Variants in GOLIM4 observed in about 807,000 individuals in gnomAD.
The protein encoded by GOLIM4 is golgi integral membrane protein 4.
Under a neutral mutation model 107.4 loss-of-function variants are expected in GOLIM4, and 71 were observed. The ratio of observed to expected loss-of-function variants is 0.66; its 90% CI spans 0.55 to 0.81. GOLIM4 has a LOEUF of 0.81. Ranked by LOEUF, GOLIM4 falls within the 30% of genes least tolerant of loss-of-function variation. The probability of loss-of-function intolerance (pLI) is 0.00; values close to 1 mark genes in which losing one functional copy is unlikely to be tolerated. For missense variants in GOLIM4, 830 were observed against 826.1 expected, an observed-to-expected ratio of 1.00 and a Z score of -0.06; for synonymous variants, 327 against 294.8, an observed-to-expected ratio of 1.11 and a Z score of -1.12.
At chr3:168,030,482 T>A in intron 9 of GOLIM4, among the ~76,000 whole-genome samples, 1 of 144,212 alleles carries the variant, frequency 6.9e-6, no homozygotes, top group African/African-American at 2.6e-5. Flanking sequence ...TCTAGTAATG[T>A]ATATACCAAT....
At chr3:168,058,473 G>T (rs1720096016) in intron 1 of GOLIM4, among the ~76,000 whole-genome samples, 2 of 152,158 alleles carry the variant, frequency 1.3e-5, no homozygotes, top group Admixed American at 6.5e-5. Context: ...TCTCATGAAA[G>T]GATTCTTCTC....
chr3:168,071,269 C>T (rs1325743555), intron 1 of GOLIM4, among the ~76,000 whole-genome samples: 1 of 152,180 alleles, frequency 6.6e-6, no homozygotes, highest in Non-Finnish European at 1.5e-5. Flanking sequence ...ACTACCTTGT[C>T]ACTTTGGACA....
chr3:168,093,749 C>A (rs1722021081), intron 1 of GOLIM4, among the ~76,000 whole-genome samples: 1 of 152,180 alleles, frequency 6.6e-6, no homozygotes, highest in Admixed American at 6.5e-5. Flanking sequence ...CCAAGCCGAG[C>A]CATATATTTT....
At chr3:168,092,845 AAAC>A (rs1373309536) in intron 1 of GOLIM4, among the ~76,000 whole-genome samples, 2 of 152,240 alleles carry the variant, frequency 1.3e-5, no homozygotes, top group African/African-American at 4.8e-5. Flanking sequence ...AATCCACAAA[AAAC>A]AAAAACAAAC....
Position 168,095,203 on chromosome 3 carries a change from T to G in GOLIM4, c.83A>C (p.Tyr28Ser), listed in dbSNP as rs373406169. 4 of 1,613,472 alleles carry G rather than the reference T, an allele frequency of 2.5e-6. No individual in the cohort carries two copies. The highest frequency in any genetic ancestry group is 3.4e-6 in the Non-Finnish European group (4 of 1,179,938). Residue 28 changes from tyrosine (Y) to serine (S), a missense_variant, in exon 1 of 16, where the codon TAC becomes TCC. Tyr to Ser is a moderately radical substitution (Grantham distance 144). Coordinates refer to ENST00000470487, the MANE Select transcript of GOLIM4 (RefSeq NM_014498.5). ...LLLTVVFGFL[Y>S]GAMLYYELQT... is the part of the protein sequence containing the mutation. ...CAGCTCGTAGTAGAGCATCGCGCCG[T>G]AGAGAAAGCCGAACACGACGGTCAG...
intron 1 of GOLIM4, among the ~76,000 whole-genome samples, chr3:168,080,418 A>T (rs1721295650): frequency 6.6e-6 from 1 of 152,238 alleles, no homozygotes; most frequent in Non-Finnish European, 1.5e-5. Context: ...TAAAATTGAT[A>T]TTTAAATTCA....
At chr3:168,030,672 T>C (rs767344414) in intron 9 of GOLIM4, among the ~76,000 whole-genome samples, 10 of 152,166 alleles carry the variant, frequency 6.6e-5, no homozygotes, top group Non-Finnish European at 1.3e-4. Context: ...AGATATTATC[T>C]CACCCCAGTT....
intron 1 of GOLIM4, among the ~76,000 whole-genome samples, chr3:168,069,174 A>G (rs1720713729): frequency 6.6e-6 from 1 of 152,168 alleles, no homozygotes. Flanking sequence ...TTTTAAGTTT[A>G]TATCATATCA....
chr3:168,092,841 C>T (rs1433432298), intron 1 of GOLIM4, among the ~76,000 whole-genome samples: 3 of 151,910 alleles, frequency 2.0e-5, no homozygotes, highest in African/African-American at 7.3e-5. Flanking sequence ...AGTGAATCCA[C>T]AAAAAACAAA....
At chr3:168,068,855 A>G (rs1851396) in intron 1 of GOLIM4, among the ~76,000 whole-genome samples, 25,788 of 144,126 alleles carry the variant, frequency 0.18, 2,434 homozygotes, top group Middle Eastern at 0.24. Context: ...TTTTTTTTTG[A>G]GACAGAGTTT....
intron 11 of GOLIM4, among the ~76,000 whole-genome samples, chr3:168,028,865 C>A (rs1407212255): frequency 6.6e-6 from 1 of 152,106 alleles, no homozygotes; most frequent in Non-Finnish European, 1.5e-5. Context: ...CTACTATTGA[C>A]TTAATTTGAA....
intron 14 of GOLIM4, among the ~76,000 whole-genome samples, chr3:168,020,516 CTCT>C (rs1371566374): frequency 6.6e-6 from 1 of 152,152 alleles, no homozygotes; most frequent in Non-Finnish European, 1.5e-5. Context: ...ATGCCACAAA[CTCT>C]TCAAGGTGAT....
chr3:168,010,960 G>A, intron 14 of GOLIM4, 137 bp from the exon 15 acceptor site: 1 of 677,706 alleles, frequency 1.5e-6, no homozygotes, highest in South Asian at 1.7e-5. Flanking sequence ...AATAGCAGAA[G>A]CAAAATTAAA....
Position 168,040,843 on chromosome 3 carries a change from C to G in GOLIM4, c.627G>C (p.Glu209Asp). ...VKQQHKNLLSEHEQLVVTLED... is the reference protein window; with the variant it reads ...VKQQHKNLLSDHEQLVVTLED... ...CCAAAGTCACTACAAGTTGTTCATG[C>G]TCGGAGAGTAAATTCTTATGCTGTT... The change falls in exon 7 of 16, where the codon GAG (glutamate) becomes GAC (aspartate). Residue 209 changes from glutamate (E) to aspartate (D), a missense_variant. Transcript: ENST00000470487. 1 of 1,612,628 alleles carries G rather than the reference C, an allele frequency of 6.2e-7. No homozygotes were observed. Among genetic ancestry groups the G allele is most frequent in the Admixed American group, 1.7e-5 (1 of 59,994 alleles).
chr3:168,036,388 A>G (rs557126836), intron 8 of GOLIM4, among the ~76,000 whole-genome samples: 4 of 152,258 alleles, frequency 2.6e-5, no homozygotes, highest in African/African-American at 9.6e-5. Context: ...TGAAAATACA[A>G]AAATTAGCCA....
chr3:168,021,490 A>C (rs1717680013), intron 14 of GOLIM4, among the ~76,000 whole-genome samples: 2 of 152,200 alleles, frequency 1.3e-5, no homozygotes, highest in Admixed American at 1.3e-4. Flanking sequence ...GCATGGTGAA[A>C]TCCCATCTCT....
At chr3:168,070,771 T>G (rs1168216661) in intron 1 of GOLIM4, among the ~76,000 whole-genome samples, 1 of 152,188 alleles carries the variant, frequency 6.6e-6, no homozygotes, top group Non-Finnish European at 1.5e-5. Context: ...TGTTGCTTTT[T>G]AGCTTGAAAG....
At position 168,095,897 on chromosome 3, in the gene GOLIM4, A is replaced by G. The variant is rs954569592; in HGVS notation, c.-612T>C. On this transcript the variant is annotated 5_prime_UTR_variant, in exon 1 of 16. Coordinates refer to ENST00000470487, the MANE Select transcript of GOLIM4 (RefSeq NM_014498.5). The stretch of plus-strand genomic sequence containing the variant: ...CTGCCGCCCCGCCACCTCCTGCCCA[A>G]CTTACGTGTCACCCACGGCCCGGCT... 1.3e-5 allele frequency: 2 copies of G among 152,348 alleles called. No homozygotes were observed. Among genetic ancestry groups the G allele is most frequent in the Non-Finnish European group, 2.9e-5 (2 of 68,202 alleles). 9.4% of individuals were successfully genotyped at this position (152,348 alleles called of 1,614,324 possible).
rs751084876 is a variant in GOLIM4, at chr3:168,010,435, A to T, written c.1942-17T>A. On this transcript the variant is annotated splice_polypyrimidine_tract_variant and intron_variant, in intron 15 of 15. Coordinates refer to ENST00000470487, the MANE Select transcript of GOLIM4 (RefSeq NM_014498.5). ...ATCATCAGTCTTAAAATTAAAAGAA[A>T]AAAGAAAAACTAAGAGATAGTATAG... 3.2e-6 allele frequency: 5 copies of T among 1,538,648 alleles called. No homozygotes were observed. The South Asian group carries it at 5.8e-5, about 18-fold the overall frequency.
Sources: allele counts gnomAD v4.1 joint callset (sites outside exome capture counted in the v4.1 genomes callset), GRCh38; gene constraint gnomAD v4.1.1; transcripts MANE v1.5; gene names NCBI Gene and HGNC (gene_info 2026-07-23, HGNC 2026-07-21).